Variants in RHOT1 observed in about 807,000 individuals in gnomAD.
RHOT1 encodes the protein ras homolog family member T1, also known as mitochondrial Rho GTPase 1.
RHOT1 carries 27 observed loss-of-function variants against 95.3 expected under a neutral mutation model. The observed-to-expected ratio is 0.28, with a 90% CI of 0.21 to 0.39. The LOEUF is 0.39. RHOT1 is among the 10% of genes least tolerant of loss of function. RHOT1 has a pLI of 1.00. For synonymous variants in RHOT1, 227 were observed against 263.5 expected (o/e 0.86, Z 1.34); for missense variants, 578 against 786.7 (o/e 0.73, Z 3.17).
intron 2 of RHOT1, among the ~76,000 whole-genome samples, chr17:32,173,626 T>C (rs1208315340): frequency 6.6e-6 from 1 of 151,116 alleles, no homozygotes; most frequent in Non-Finnish European, 1.5e-5. Flanking sequence ...GGCAGGAGAA[T>C]CACTTGAACC....
At chr17:32,176,335 C>A in intron 6 of RHOT1, 122 bp downstream of exon 6, 1 of 738,798 alleles carries the variant, frequency 1.4e-6, no homozygotes, top group South Asian at 1.9e-5. Context: ...TAACGTTTTG[C>A]CACGTTTGCC....
chr17:32,150,847 C>T lies in RHOT1; in HGVS notation c.37+8118C>T, dbSNP rs1438244234. ...GTCTAAGAGCTGAGGTGGAAGGGAG[C>T]TGTAGAAATCTGAAACCACGGGAGA... On this transcript the variant is annotated intron_variant, in intron 1 of 19. Transcript: ENST00000545287. The T allele has an allele frequency of 3.3e-6, 5 of 1,521,132 alleles. No individual in the cohort carries two copies. The African/African-American group carries it at 6.9e-5, about 21-fold the overall frequency. 94.2% of individuals were successfully genotyped at this position (1,521,132 alleles called of 1,614,324 possible).
intron 1 of RHOT1, among the ~76,000 whole-genome samples, chr17:32,146,612 A>AT (rs778057684): frequency 0.037 from 4,731 of 127,384 alleles, 268 homozygotes; most frequent in African/African-American, 0.12. Flanking sequence ...CGCCCGGCTA[A>AT]TTTTTTTTTT....
intron 19 of RHOT1, chr17:32,221,179 C>A: frequency 3.8e-6 from 1 of 262,530 alleles, no homozygotes; most frequent in Non-Finnish European, 5.9e-6. Flanking sequence ...ACCATCGTGG[C>A]CAACACGGTA....
At chr17:32,160,090 G>T (rs1325887478) in intron 1 of RHOT1, 1 of 152,258 alleles carries the variant, frequency 6.6e-6, no homozygotes, top group Non-Finnish European at 1.5e-5. Context: ...TACCCTCTCT[G>T]CTGAGAGCTG....
chr17:32,199,676 A>G (rs1423100402), intron 13 of RHOT1, 126 bp downstream of exon 13: 14 of 660,594 alleles, frequency 2.1e-5, no homozygotes, highest in Non-Finnish European at 2.4e-5. Flanking sequence ...GCCTCTAAGC[A>G]AGATTAGCTG....
intron 9 of RHOT1, 118 bp downstream of exon 9, chr17:32,192,417 T>C: frequency 1.5e-6 from 1 of 667,590 alleles, no homozygotes; most frequent in Non-Finnish European, 2.6e-6. Context: ...CATAAGTTTC[T>C]TTCTCATAAA....
chr17:32,154,927 G>A (rs1358759688), intron 1 of RHOT1, among the ~76,000 whole-genome samples: 1 of 151,578 alleles, frequency 6.6e-6, no homozygotes, highest in Non-Finnish European at 1.5e-5. Context: ...GTGATGGAGT[G>A]GTAATTAGCT....
intron 11 of RHOT1, among the ~76,000 whole-genome samples, chr17:32,195,421 T>C (rs938881506): frequency 6.6e-6 from 1 of 152,142 alleles, no homozygotes; most frequent in Non-Finnish European, 1.5e-5. Context: ...GCCAGTTATT[T>C]TCCTTTGATA....
intron 18 of RHOT1, chr17:32,209,439 C>G: frequency 6.3e-7 from 1 of 1,588,918 alleles, no homozygotes; most frequent in Non-Finnish European, 8.6e-7. Flanking sequence ...TTTCTAAAAA[C>G]TGCTTTGTAA....
At chr17:32,202,243 T>C (rs545059270) in intron 14 of RHOT1, among the ~76,000 whole-genome samples, 6 of 152,306 alleles carry the variant, frequency 3.9e-5, no homozygotes, top group Admixed American at 2.0e-4. Flanking sequence ...GAAGGGATGC[T>C]TGCTGTCCCT....
chr17:32,149,635 ATGTGTGTGTG>A (rs1300585666), intron 1 of RHOT1, among the ~76,000 whole-genome samples: 4 of 59,076 alleles, frequency 6.8e-5, no homozygotes, highest in African/African-American at 1.1e-4. Flanking sequence ...ATATATATAT[ATGTGTGTGTG>A]TGTGTGTGTG....
At chr17:32,198,871 G>C (rs1314532678) in intron 11 of RHOT1, 76 bp from the exon 12 acceptor site, 1 of 952,202 alleles carries the variant, frequency 1.1e-6, no homozygotes, top group African/African-American at 1.6e-5. Flanking sequence ...CAAAAGACTT[G>C]TTGCAATTTT....
intron 18 of RHOT1, chr17:32,208,613 G>C (rs2037918290): frequency 4.1e-6 from 1 of 244,466 alleles, no homozygotes. Context: ...GAATAAAATG[G>C]GTTTGGCATC....
chr17:32,204,603 GATATAA>G (rs2037567244), intron 16 of RHOT1, among the ~76,000 whole-genome samples: 1 of 147,266 alleles, frequency 6.8e-6, no homozygotes, highest in African/African-American at 2.5e-5. Context: ...CATAGGTTTA[GATATAA>G]ATAAAAATTC....
intron 16 of RHOT1, among the ~76,000 whole-genome samples, chr17:32,205,803 C>T (rs375424060): frequency 1.5e-3 from 234 of 152,278 alleles, no homozygotes; most frequent in African/African-American, 5.2e-3. Flanking sequence ...ACCTCAGTCT[C>T]CCAAAGTGCT....
chr17:32,210,793 C>T (rs559774282), intron 18 of RHOT1, among the ~76,000 whole-genome samples: 31 of 152,062 alleles, frequency 2.0e-4, no homozygotes, highest in East Asian at 1.7e-3. Context: ...TTAATTTAGA[C>T]GAGGGTGCCA....
chr17:32,199,189 C>CTTTGTTG (rs2037129376), intron 12 of RHOT1, among the ~76,000 whole-genome samples, 158 bp downstream of exon 12: 1 of 152,090 alleles, frequency 6.6e-6, no homozygotes, highest in African/African-American at 2.4e-5. Context: ...TGCTGTTTAC[C>CTTTGTTG]TTTGTTGTTT....
chr17:32,163,529 G>A (rs868398074), intron 1 of RHOT1, among the ~76,000 whole-genome samples: 14 of 152,020 alleles, frequency 9.2e-5, no homozygotes, highest in Middle Eastern at 3.2e-3. Flanking sequence ...TCAAGAGTTC[G>A]AGACCAGCCT....
Sources: gnomAD v4.1 joint callset for allele counts (sites outside exome capture counted in the v4.1 genomes callset) on GRCh38, gnomAD v4.1.1 for gene constraint, MANE v1.5 for transcripts, NCBI Gene and HGNC (gene_info 2026-07-23, HGNC 2026-07-21) for gene names.